Variants in LRRC7 observed in about 807,000 individuals in gnomAD.
LRRC7 encodes leucine-rich repeat-containing protein 7.
LRRC7 carries 23 observed loss-of-function variants against 175.7 expected under a neutral mutation model. That is an observed-to-expected ratio of 0.13 (90% confidence interval 0.09 to 0.19). The LOEUF (loss-of-function observed/expected upper bound fraction) is 0.19, where lower values mean the gene tolerates loss of function less well. Ranked by LOEUF, LRRC7 falls within the 10% of genes least tolerant of loss-of-function variation. The probability of loss-of-function intolerance (pLI) is 1.00; values close to 1 mark genes in which losing one functional copy is unlikely to be tolerated. For missense variants in LRRC7, 1,354 were observed against 1,904.7 expected (o/e 0.71, Z 5.38); for synonymous variants, 685 against 680.9 (o/e 1.01, Z -0.09).
At chr1:69,916,482 C>T (rs1379721705) in intron 7 of LRRC7, among the ~76,000 whole-genome samples, 1 of 151,362 alleles carries the variant, frequency 6.6e-6, no homozygotes, top group Non-Finnish European at 1.5e-5. Flanking sequence ...GCCTTATCTG[C>T]CTTTAGCTCC....
chr1:69,865,665 A>G (rs1299848823), intron 7 of LRRC7, among the ~76,000 whole-genome samples: 2 of 151,520 alleles, frequency 1.3e-5, no homozygotes, highest in Non-Finnish European at 2.9e-5. Flanking sequence ...TGTTTTTAGT[A>G]GAGACGGGGT....
At chr1:70,075,342 G>A (rs930563070) in intron 23 of LRRC7, among the ~76,000 whole-genome samples, 2 of 152,086 alleles carry the variant, frequency 1.3e-5, no homozygotes, top group South Asian at 2.1e-4. Context: ...AAAGAAGTAC[G>A]GGTATGATCG....
intron 1 of LRRC7, among the ~76,000 whole-genome samples, chr1:69,571,861 TTC>T (rs1330351913): frequency 6.6e-6 from 1 of 152,214 alleles, no homozygotes; most frequent in Admixed American, 6.5e-5. Context: ...TTATTACATT[TTC>T]TTTCTTCACA....
chr1:69,651,211 A>T (rs1449249012), intron 1 of LRRC7, among the ~76,000 whole-genome samples: 1 of 152,216 alleles, frequency 6.6e-6, no homozygotes, highest in African/African-American at 2.4e-5. Flanking sequence ...CTGCATATTT[A>T]TTTAAAGATA....
At chr1:69,848,331 G>A (rs1682599465) in intron 7 of LRRC7, among the ~76,000 whole-genome samples, 1 of 152,018 alleles carries the variant, frequency 6.6e-6, no homozygotes, top group Admixed American at 6.6e-5. Flanking sequence ...CTACCCAACT[G>A]CAGATTTTGG....
chr1:69,811,594 A>G (rs1363345148), intron 4 of LRRC7, among the ~76,000 whole-genome samples: 1 of 152,184 alleles, frequency 6.6e-6, no homozygotes. Context: ...GCATCCATAA[A>G]AAAGGATAAG....
chr1:69,666,213 G>C (rs1658243130), intron 1 of LRRC7, among the ~76,000 whole-genome samples: 1 of 152,044 alleles, frequency 6.6e-6, no homozygotes, highest in Non-Finnish European at 1.5e-5. Context: ...ATGTATAGTT[G>C]AATTTGGTTC....
At chr1:70,039,988 A>G (rs1659723018) in intron 21 of LRRC7, among the ~76,000 whole-genome samples, 195 bp downstream of exon 21, 1 of 152,226 alleles carries the variant, frequency 6.6e-6, no homozygotes. Context: ...TTGAGAGTTC[A>G]TAACCTGCAG....
chr1:69,892,124 A>G (rs1270308459), intron 7 of LRRC7, among the ~76,000 whole-genome samples: 1 of 152,276 alleles, frequency 6.6e-6, no homozygotes, highest in African/African-American at 2.4e-5. Context: ...AACTGAATAA[A>G]TTGAAAACTC....
intron 8 of LRRC7, among the ~76,000 whole-genome samples, chr1:69,967,141 T>A (rs921000843): frequency 2.6e-5 from 4 of 152,210 alleles, no homozygotes; most frequent in Non-Finnish European, 5.9e-5. Flanking sequence ...GCCGTTTGAA[T>A]TGCGTGGGAG....
intron 14 of LRRC7, 73 bp from the exon 15 acceptor site, chr1:70,018,646 G>T: frequency 2.1e-6 from 2 of 961,210 alleles, no homozygotes; most frequent in Non-Finnish European, 3.1e-6. Flanking sequence ...TTATTTATCT[G>T]AGTGAGACCA....
intron 4 of LRRC7, among the ~76,000 whole-genome samples, chr1:69,802,083 C>T (rs1202025289): frequency 6.6e-6 from 1 of 151,268 alleles, no homozygotes; most frequent in Non-Finnish European, 1.5e-5. Context: ...TGAGAATATA[C>T]TTAATATGAT....
intron 1 of LRRC7, among the ~76,000 whole-genome samples, chr1:69,576,224 T>C (rs1231563703): frequency 3.8e-5 from 2 of 52,964 alleles, no homozygotes; most frequent in Non-Finnish European, 3.7e-5. Context: ...AGAGTGACAC[T>C]CTGAAAAAAA....
intron 11 of LRRC7, among the ~76,000 whole-genome samples, chr1:69,996,325 T>G (rs563331702): frequency 2.6e-5 from 4 of 152,316 alleles, no homozygotes; most frequent in Admixed American, 2.6e-4. Flanking sequence ...ATGAGTAGGT[T>G]GCGAAAATTT....
At chr1:69,768,622 G>A (rs1157381002) in intron 3 of LRRC7, among the ~76,000 whole-genome samples, 2 of 152,128 alleles carry the variant, frequency 1.3e-5, no homozygotes, top group African/African-American at 2.4e-5. Flanking sequence ...ATTTTACAAG[G>A]AATGAGAGCT....
intron 7 of LRRC7, among the ~76,000 whole-genome samples, chr1:69,854,442 G>A (rs1255556710): frequency 1.3e-5 from 2 of 152,138 alleles, no homozygotes; most frequent in East Asian, 1.9e-4. Flanking sequence ...GATGAAGGCT[G>A]CAATAAGCTA....
rs549422136 is a variant in LRRC7 at position 70,096,872 on chromosome 1, C to T, written c.4545+7053C>T. Among the ~76,000 whole-genome samples the T allele has an allele frequency of 8.5e-5, 13 of 152,224 alleles. No homozygotes were observed. The South Asian group carries it at 2.7e-3, about 32-fold the overall frequency. On this transcript the variant is annotated intron_variant, in intron 25 of 26. Transcript: ENST00000651989. ...ATGGCCAAAGAGACGAAGAGAGAAT[C>T]GAGAATGACTTTTACTTCTAAATCT...
intron 7 of LRRC7, among the ~76,000 whole-genome samples, chr1:69,871,482 G>C (rs997351940): frequency 9.9e-5 from 15 of 151,964 alleles, no homozygotes; most frequent in African/African-American, 3.6e-4. Flanking sequence ...TATTCAGTTT[G>C]TGTTTGAATT....
intron 8 of LRRC7, among the ~76,000 whole-genome samples, chr1:69,956,006 T>C (rs1164117779): frequency 6.6e-6 from 1 of 151,876 alleles, no homozygotes; most frequent in Non-Finnish European, 1.5e-5. Flanking sequence ...AAATACCTAA[T>C]TTATTGATGT....
Sources: gnomAD v4.1 joint callset for allele counts (sites outside exome capture counted in the v4.1 genomes callset) on GRCh38, gnomAD v4.1.1 for gene constraint, MANE v1.5 for transcripts, NCBI Gene and HGNC (gene_info 2026-07-23, HGNC 2026-07-21) for gene names.